TMTC1: variants seen among roughly 807,000 people sequenced by gnomAD.
TMTC1 encodes the protein transmembrane O-mannosyltransferase targeting cadherins 1, also known as protein O-mannosyl-transferase TMTC1.
In TMTC1, 73 loss-of-function variants were observed where a neutral mutation model predicts 104.8. That is an observed-to-expected ratio of 0.70 (90% CI 0.58 to 0.85). The LOEUF (loss-of-function observed/expected upper bound fraction) is 0.85. Ranked by LOEUF, TMTC1 falls within the 40% of genes least tolerant of loss-of-function variation. The pLI, the probability that TMTC1 is intolerant of heterozygous loss-of-function variation, is 0.00. For synonymous variants in TMTC1, 434 were observed against 428.7 expected (o/e 1.01, Z -0.15); for missense variants, 1,035 against 1,096.1 (o/e 0.94, Z 0.79).
chr12:29,571,583 T>C (rs3217278), intron 9 of TMTC1, among the ~76,000 whole-genome samples: 15 of 148,152 alleles, frequency 1.0e-4, no homozygotes, highest in East Asian at 2.0e-4. Context: ...CACACACACA[T>C]ACACACACAC....
intron 5 of TMTC1, among the ~76,000 whole-genome samples, chr12:29,707,259 G>T (rs1941772229): frequency 6.6e-6 from 1 of 152,146 alleles, no homozygotes; most frequent in Non-Finnish European, 1.5e-5. Context: ...TGGTTCGCAT[G>T]AAGTCCCTAA....
chr12:29,564,553 T>A (rs1189206380), intron 9 of TMTC1, among the ~76,000 whole-genome samples: 1 of 152,182 alleles, frequency 6.6e-6, no homozygotes, highest in African/African-American at 2.4e-5. Context: ...TTAGGTAATT[T>A]GATGCCCAAG....
rs527340422 is a variant in TMTC1, at chr12:29,637,505, C to T, written c.939-4169G>A. 2.6e-5 allele frequency among the ~76,000 whole-genome samples: 4 copies of T among 152,242 alleles called. No homozygotes were observed. In the East Asian group the frequency reaches 7.7e-4, roughly 29 times the overall value. ...AGGAATTCAGCTTAAACAATTTAGT[C>T]ATGCATTTTCATTGATAAGCCAGAA... On this transcript the variant is annotated intron_variant, in intron 5 of 17. Coordinates refer to ENST00000539277, the MANE Select transcript of TMTC1 (RefSeq NM_001193451.2).
chr12:29,780,559 C>T (rs1943811046), intron 1 of TMTC1, among the ~76,000 whole-genome samples: 1 of 152,074 alleles, frequency 6.6e-6, no homozygotes, highest in South Asian at 2.1e-4. Flanking sequence ...ACTGAGGATC[C>T]TTGGGATGGA....
intron 5 of TMTC1, among the ~76,000 whole-genome samples, chr12:29,727,560 T>G (rs1942429471): frequency 6.6e-6 from 1 of 151,912 alleles, no homozygotes; most frequent in South Asian, 2.1e-4. Context: ...GTATTTTCAG[T>G]AGAGACGGGT....
rs774998042 is a variant in TMTC1, at chr12:29,520,607, A to G, written c.1888+11T>C. On this transcript the variant is annotated intron_variant, in intron 12 of 17. Coordinates refer to ENST00000539277, the MANE Select transcript of TMTC1 (RefSeq NM_001193451.2). ...ATCTCAGCAGTACAGTTTCTCTTTA[A>G]TTTCACTTACCAGTATCAACTAAGA... 42 of 1,600,540 alleles carry G rather than the reference A, an allele frequency of 2.6e-5. No individual in the cohort carries two copies. In the Middle Eastern group the frequency reaches 5.0e-4, roughly 19 times the overall value.
In TMTC1 at chr12:29,504,827, T is replaced by C. The variant is rs1432085444; in HGVS notation, c.*2019A>G. The C allele has an allele frequency of 6.6e-6, 1 of 152,238 alleles. No homozygotes were observed. The highest frequency in any genetic ancestry group is 1.9e-4 in the East Asian group (1 of 5,192). The allele number at this position is 152,238 out of a possible 1,614,324, so 9.4% of individuals were successfully genotyped here. A position where few individuals can be genotyped will look rare whatever the true frequency, so the allele number is the denominator to read the frequency against. ...CCATTAAATTTTTAAGCATGAGTTTTCATTACAGATTATTCTGAAAAGTTG... is the reference window on the plus strand; with the variant it reads ...CCATTAAATTTTTAAGCATGAGTTTCCATTACAGATTATTCTGAAAAGTTG... On this transcript the variant is annotated 3_prime_UTR_variant, in exon 18 of 18. Transcript: ENST00000539277.
intron 5 of TMTC1, among the ~76,000 whole-genome samples, chr12:29,642,320 A>G (rs1222598340): frequency 6.6e-6 from 1 of 152,206 alleles, no homozygotes; most frequent in Non-Finnish European, 1.5e-5. Flanking sequence ...GAAGAAAAGA[A>G]TCTTAGGAGC....
chr12:29,580,309 A>G (rs1215788165), intron 8 of TMTC1, among the ~76,000 whole-genome samples: 2 of 152,180 alleles, frequency 1.3e-5, no homozygotes, highest in Admixed American at 1.3e-4. Flanking sequence ...ACAGAGTGAG[A>G]CTTTGTCTCA....
chr12:29,590,971 G>A (rs926293486), intron 7 of TMTC1, among the ~76,000 whole-genome samples: 2 of 152,138 alleles, frequency 1.3e-5, no homozygotes, highest in Non-Finnish European at 2.9e-5. Flanking sequence ...GTTGACAATA[G>A]TTTGTGGATC....
intron 5 of TMTC1, among the ~76,000 whole-genome samples, chr12:29,745,618 CAAA>C (rs71444341): frequency 0.036 from 3,056 of 84,330 alleles, 22 homozygotes; most frequent in African/African-American, 0.098. Context: ...GAGACTCAAT[CAAA>C]AAAAAAAAAA....
chr12:29,596,639 A>G (rs1223906317), intron 7 of TMTC1, among the ~76,000 whole-genome samples: 1 of 152,224 alleles, frequency 6.6e-6, no homozygotes, highest in Non-Finnish European at 1.5e-5. Context: ...AAGCTGGTGC[A>G]TTGAGCTTTT....
chr12:29,601,922 G>A (rs1024751118), intron 7 of TMTC1, among the ~76,000 whole-genome samples: 2 of 138,666 alleles, frequency 1.4e-5, no homozygotes, highest in South Asian at 2.4e-4. Context: ...TGCAAGTTCC[G>A]CCTCCCGGGT....
At chr12:29,731,560 T>C (rs1942546658) in intron 5 of TMTC1, among the ~76,000 whole-genome samples, 1 of 152,228 alleles carries the variant, frequency 6.6e-6, no homozygotes, top group Non-Finnish European at 1.5e-5. Flanking sequence ...ATCCCATTTA[T>C]GCTTGAGGTT....
chr12:29,757,302 T>G (rs1280533104), intron 3 of TMTC1, among the ~76,000 whole-genome samples: 1 of 152,200 alleles, frequency 6.6e-6, no homozygotes, highest in Non-Finnish European at 1.5e-5. Context: ...TGCCAGATAA[T>G]TCTTTGTTGT....
chr12:29,516,748 AG>A (rs993064104), intron 14 of TMTC1, among the ~76,000 whole-genome samples: 9 of 152,248 alleles, frequency 5.9e-5, no homozygotes, highest in African/African-American at 2.2e-4. Context: ...CTTTTAAAAA[AG>A]GTTGACCAAA....
chr12:29,728,924 G>A, intron 5 of TMTC1, among the ~76,000 whole-genome samples: 1 of 150,230 alleles, frequency 6.7e-6, no homozygotes, highest in East Asian at 2.0e-4. Flanking sequence ...CTTGAACCCA[G>A]GAGGCAGGGG....
intron 11 of TMTC1, among the ~76,000 whole-genome samples, chr12:29,521,797 G>A (rs892133699): frequency 6.6e-6 from 1 of 151,862 alleles, no homozygotes; most frequent in Non-Finnish European, 1.5e-5. Context: ...CAAACTCCTG[G>A]CCTCAAGTGA....
At chr12:29,633,672 T>C (rs1215387529) in intron 5 of TMTC1, among the ~76,000 whole-genome samples, 2 of 152,232 alleles carry the variant, frequency 1.3e-5, no homozygotes, top group Non-Finnish European at 2.9e-5. Flanking sequence ...ATTTGAACTG[T>C]CCCTTCTTAA....
Sources: gnomAD v4.1 joint callset for allele counts (sites outside exome capture counted in the v4.1 genomes callset) on GRCh38, gnomAD v4.1.1 for gene constraint, MANE v1.5 for transcripts, NCBI Gene and HGNC (gene_info 2026-07-23, HGNC 2026-07-21) for gene names.